Variants in NRN1 observed in about 807,000 individuals in gnomAD.
NRN1 encodes the protein neuritin.
A neutral mutation model predicts 15.0 loss-of-function variants in NRN1; 4 were observed. That is an observed-to-expected ratio of 0.27 (90% CI 0.13 to 0.61). The LOEUF is 0.61. Ranked by LOEUF, NRN1 falls within the 20% of genes least tolerant of loss-of-function variation. The pLI, the probability that NRN1 is intolerant of heterozygous loss-of-function variation, is 0.87. For synonymous variants in NRN1, 85 were observed against 79.8 expected, an observed-to-expected ratio of 1.07 and a Z score of -0.35; for missense variants, 134 against 181.9, an observed-to-expected ratio of 0.74 and a Z score of 1.51.
intron 1 of NRN1, chr6:6,002,973 A>G: frequency 2.5e-6 from 1 of 396,552 alleles, no homozygotes; most frequent in Non-Finnish European, 4.4e-6. Flanking sequence ...GGGGGCGAGA[A>G]CGGGGTGGGG....
chr6:6,000,754 C>CTTTTTTTTTTTTT (rs1561902807), intron 2 of NRN1, among the ~76,000 whole-genome samples: 13 of 83,746 alleles, frequency 1.6e-4, no homozygotes, highest in South Asian at 4.2e-4. Context: ...TTTTTATGTA[C>CTTTTTTTTTTTTT]GCCCAGATGA....
At chr6:6,003,633 GCCCCAAGC>G (rs879325298) in intron 1 of NRN1, 6 of 1,058,132 alleles carry the variant, frequency 5.7e-6, no homozygotes, top group Admixed American at 4.3e-5. Flanking sequence ...GAAGGTCCAA[GCCCCAAGC>G]CCCCAAGCCC....
At chr6:6,003,565 G>A in intron 1 of NRN1, 1 of 583,814 alleles carries the variant, frequency 1.7e-6, no homozygotes, top group Non-Finnish European at 2.5e-6. Context: ...CAGAGAGCAG[G>A]CAGGGATAAA....
intron 2 of NRN1, among the ~76,000 whole-genome samples, chr6:6,001,049 T>C (rs1013780242): frequency 6.6e-6 from 1 of 152,258 alleles, no homozygotes; most frequent in Non-Finnish European, 1.5e-5. Context: ...TATACATTCT[T>C]ATCCATCACG....
intron 2 of NRN1, among the ~76,000 whole-genome samples, chr6:5,999,998 G>A (rs923221886): frequency 2.0e-5 from 3 of 152,164 alleles, no homozygotes; most frequent in Non-Finnish European, 1.5e-5. Context: ...GCCTTCATCT[G>A]CTCTTGCGAA....
chr6:6,001,987 C>A (rs758794523), intron 2 of NRN1, among the ~76,000 whole-genome samples: 2 of 152,244 alleles, frequency 1.3e-5, no homozygotes, highest in Non-Finnish European at 2.9e-5. Flanking sequence ...AAGATTGCTA[C>A]AAGGCAGAGA....
chr6:6,003,643 C>G (rs981729744), intron 1 of NRN1: 26 of 1,156,874 alleles, frequency 2.2e-5, no homozygotes, highest in Non-Finnish European at 2.7e-5. Context: ...GCCCCAAGCC[C>G]CCAAGCCCCC....
chr6:5,999,403 G>T lies in NRN1; in HGVS notation c.201-199C>A, dbSNP rs557868661. Among the ~76,000 whole-genome samples, 4 of 152,340 alleles carry T rather than the reference G, an allele frequency of 2.6e-5. No individual in the cohort carries two copies. The South Asian group carries it at 8.3e-4, about 32-fold the overall frequency. ...GGGACCTCCGCCTACCCCAGAAGCG[G>T]CTGTCTAAAGCGGGGGTGGGGGGGC... On this transcript the variant is annotated intron_variant, in intron 2 of 2. Coordinates refer to ENST00000244766, the MANE Select transcript of NRN1 (RefSeq NM_016588.3).
chr6:6,002,870 G>C, intron 1 of NRN1: 1 of 381,168 alleles, frequency 2.6e-6, no homozygotes. Flanking sequence ...TCCCTCCTTC[G>C]TCTCCCAACA....
chr6:6,001,097 T>C (rs1416877752), intron 2 of NRN1, among the ~76,000 whole-genome samples: 2 of 152,218 alleles, frequency 1.3e-5, no homozygotes, highest in African/African-American at 4.8e-5. Context: ...CCTTTCATGA[T>C]AGGAAAGCAC....
At chr6:6,003,737 C>G in intron 1 of NRN1, 1 of 1,234,352 alleles carries the variant, frequency 8.1e-7, no homozygotes, top group Non-Finnish European at 1.0e-6. Flanking sequence ...CCATCTCTTT[C>G]CGCCCTGAGG....
At chr6:6,004,216 C>G (rs1310398717) in intron 1 of NRN1, among the ~76,000 whole-genome samples, 2 of 152,218 alleles carry the variant, frequency 1.3e-5, no homozygotes, top group African/African-American at 4.8e-5. Flanking sequence ...TTACAGCGAA[C>G]ATTAAATACC....
In NRN1 at chr6:5,998,855, A is replaced by G. The variant is rs1336190419; in HGVS notation, c.*121T>C. On this transcript the variant is annotated 3_prime_UTR_variant, in exon 3 of 3. Coordinates refer to ENST00000244766, the MANE Select transcript of NRN1 (RefSeq NM_016588.3). ...GAATCAGGATTTCCCACAATCCTAT[A>G]TGAGTGTTTTCAGCATCACAGAGAA... is the stretch of plus-strand genomic sequence containing the variant. 1.5e-6 allele frequency: 1 copy of G among 671,132 alleles called. No individual in the cohort carries two copies. Among genetic ancestry groups the G allele is most frequent in the Admixed American group, 2.7e-5 (1 of 37,106 alleles). The allele number at this position is 671,132 out of a possible 1,614,324, so 41.6% of individuals were successfully genotyped here. A position where few individuals can be genotyped will look rare whatever the true frequency, so the allele number is the denominator to read the frequency against.
chr6:6,004,039 C>T, intron 1 of NRN1: 8 of 1,177,524 alleles, frequency 6.8e-6, no homozygotes, highest in Non-Finnish European at 8.4e-6. Context: ...GGTGACCGAA[C>T]CCGTAGCAGC....
rs1435318343 is a variant in NRN1, at chr6:5,999,319, C to A, written c.201-115G>T. On this transcript the variant is annotated intron_variant, in intron 2 of 2. Coordinates refer to ENST00000244766, the MANE Select transcript of NRN1 (RefSeq NM_016588.3). The stretch of plus-strand genomic sequence containing the variant: ...CGGCCCCGCCAACTTCCCGGGGTGT[C>A]CCCTCCCTACCTTCTCTTCACCGCC... The A allele has an allele frequency of 5.0e-6, 4 of 802,918 alleles. No individual in the cohort carries two copies. In the East Asian group the frequency reaches 1.1e-4, roughly 21 times the overall value. 49.7% of individuals were successfully genotyped at this position (802,918 alleles called of 1,614,324 possible).
At chr6:5,999,862 A>G (rs994863469) in intron 2 of NRN1, among the ~76,000 whole-genome samples, 1 of 151,374 alleles carries the variant, frequency 6.6e-6, no homozygotes, top group South Asian at 2.1e-4. Context: ...CCTTCCCACA[A>G]CCTGCCTGGA....
At chr6:6,002,715 G>T in intron 1 of NRN1, 1 of 618,034 alleles carries the variant, frequency 1.6e-6, no homozygotes, top group Non-Finnish European at 2.8e-6. Flanking sequence ...AATTGTCGGT[G>T]TGTGAGCAGG....
At chr6:6,006,637 G>A (rs1404332368) in intron 1 of NRN1, 58 bp downstream of exon 1, 9 of 1,568,368 alleles carry the variant, frequency 5.7e-6, no homozygotes, top group Non-Finnish European at 7.0e-6. Context: ...TCCGCGCCTC[G>A]GGCCGGGGCA....
chr6:6,002,671 T>G (rs371920536), intron 1 of NRN1, among the ~76,000 whole-genome samples, 174 bp from the exon 2 acceptor site: 2 of 151,980 alleles, frequency 1.3e-5, no homozygotes, highest in East Asian at 3.9e-4. Flanking sequence ...GACCCAGGAA[T>G]GCCCGACCTG....
Sources: gnomAD v4.1 joint callset for allele counts (sites outside exome capture counted in the v4.1 genomes callset) on GRCh38, gnomAD v4.1.1 for gene constraint, MANE v1.5 for transcripts, NCBI Gene and HGNC (gene_info 2026-07-23, HGNC 2026-07-21) for gene names.